The following HEPH variants were observed in gnomAD, a reference collection of about 807,000 sequenced individuals.
HEPH encodes hephaestin.
HEPH carries 69 observed loss-of-function variants against 80.8 expected under a neutral mutation model. The ratio of observed to expected loss-of-function variants is 0.85; its 90% CI spans 0.70 to 1.04. The LOEUF is 1.04. Ranked by LOEUF, HEPH falls within the 50% of genes least tolerant of loss-of-function variation. HEPH has a pLI of 0.00. For synonymous variants in HEPH, 431 were observed against 322.8 expected (o/e 1.34, Z -3.60); for missense variants, 1,115 against 891.3 (o/e 1.25, Z -3.20).
intron 16 of HEPH, among the ~76,000 whole-genome samples, chrX:66,255,681 A>G (rs892294915): frequency 9.0e-6 from 1 of 111,548 alleles, no homozygotes; most frequent in Non-Finnish European, 1.9e-5. Flanking sequence ...TTCAAAGAGT[A>G]TGGTCTAGTT....
intron 15 of HEPH, among the ~76,000 whole-genome samples, chrX:66,230,523 C>T (rs1463489399): frequency 9.3e-6 from 1 of 107,638 alleles, no homozygotes; most frequent in Non-Finnish European, 1.9e-5. Context: ...TCTCTGATGG[C>T]CAGTGATGAT....
chrX:66,234,607 C>T (rs1406810654), intron 15 of HEPH, among the ~76,000 whole-genome samples: 3 of 108,152 alleles, frequency 2.8e-5, no homozygotes, highest in Admixed American at 9.9e-5. Context: ...TTAATAATAA[C>T]TGTATGGGTA....
At chrX:66,195,653 G>A (rs1215532639) in intron 9 of HEPH, among the ~76,000 whole-genome samples, 1 of 110,715 alleles carries the variant, frequency 9.0e-6, no homozygotes. Context: ...GTTTTTCTAT[G>A]CCATTAAAAT....
At chrX:66,251,364 G>T (rs2090999957) in intron 15 of HEPH, among the ~76,000 whole-genome samples, 1 of 112,124 alleles carries the variant, frequency 8.9e-6, no homozygotes, top group South Asian at 3.7e-4. Flanking sequence ...GCCAGCATTT[G>T]GTGTTATCAC....
intron 17 of HEPH, 74 bp downstream of exon 17, chrX:66,256,404 T>G: frequency 1.4e-6 from 1 of 733,202 alleles, no homozygotes; most frequent in South Asian, 2.6e-5. Flanking sequence ...ATAGGCCTAT[T>G]GCTACCTAAG....
chrX:66,246,177 G>A (rs930776419), intron 15 of HEPH, among the ~76,000 whole-genome samples: 9 of 112,106 alleles, frequency 8.0e-5, no homozygotes, highest in African/African-American at 2.9e-4. Context: ...TGTTGTCTGG[G>A]TGTTTCCTGG....
chrX:66,252,685 A>T (rs960427962), intron 15 of HEPH, among the ~76,000 whole-genome samples: 12 of 112,350 alleles, frequency 1.1e-4, no homozygotes, highest in African/African-American at 3.9e-4. Context: ...TGGAGAACTC[A>T]TACTTACTGG....
chrX:66,163,990 G>T (rs763096869), upstream of HEPH, among the ~76,000 whole-genome samples: 4 of 112,077 alleles, frequency 3.6e-5, no homozygotes, highest in Admixed American at 9.5e-5. Flanking sequence ...AGGGGAAGAG[G>T]TGGTGAGATG....
chrX:66,241,389 G>A (rs186115073), intron 15 of HEPH, among the ~76,000 whole-genome samples: 74 of 111,581 alleles, frequency 6.6e-4, no homozygotes, highest in African/African-American at 2.4e-3. Context: ...GACACCCATA[G>A]GATCAAAGTA....
At chrX:66,243,417 A>C (rs1455316513) in intron 15 of HEPH, among the ~76,000 whole-genome samples, 1 of 112,350 alleles carries the variant, frequency 8.9e-6, no homozygotes, top group South Asian at 3.7e-4. Context: ...ACCATTATGG[A>C]ATGCTCTTCT....
At position 66,195,107 on chromosome X, in the gene HEPH, T is replaced by C; in HGVS notation, c.1379T>C (p.Ile460Thr). The change falls in exon 9 of 21, where the codon ATC (isoleucine) becomes ACC (threonine). Residue 460 changes from isoleucine to threonine, a missense_variant. Physicochemically the swap from Ile to Thr is moderately conservative, Grantham distance 89 (BLOSUM62 -1). Transcript: ENST00000343002. ...CCTTCCCATTTTCCAGGGCCAGTGA[T>C]CCGGGCTGAGGTGGGTGACACCATT... The part of the protein sequence containing the change: ...DRHLGILGPV[I>T]RAEVGDTIQV... The C allele has an allele frequency of 8.4e-7, 1 of 1,185,829 alleles. No individual in the cohort carries two copies. The highest frequency in any genetic ancestry group is 1.1e-6 in the Non-Finnish European group (1 of 883,373).
intron 15 of HEPH, among the ~76,000 whole-genome samples, chrX:66,231,429 T>C (rs2090134540): frequency 1.9e-5 from 2 of 103,847 alleles, no homozygotes; most frequent in Non-Finnish European, 2.0e-5. Context: ...TTCTTCCATT[T>C]GTTTGTATCC....
At chrX:66,225,489 T>C (rs1090833) in intron 15 of HEPH, among the ~76,000 whole-genome samples, 30,701 of 111,431 alleles carry the variant, frequency 0.28, 3,970 homozygotes, top group African/African-American at 0.51. Context: ...AAAAAAGAAC[T>C]AAAGTGCTGG....
chrX:66,235,920 C>T (rs1192971184), intron 15 of HEPH, among the ~76,000 whole-genome samples: 3 of 110,940 alleles, frequency 2.7e-5, no homozygotes, highest in African/African-American at 9.8e-5. Flanking sequence ...TGATTTAGCT[C>T]GTGGCTTAAC....
chrX:66,198,811 C>A, intron 10 of HEPH, 67 bp from the exon 11 acceptor site: 3 of 844,806 alleles, frequency 3.6e-6, no homozygotes, highest in East Asian at 3.2e-5. Context: ...TGATCTGTAA[C>A]GACACAGTCT....
At chrX:66,227,626 G>A (rs755447178) in intron 15 of HEPH, among the ~76,000 whole-genome samples, 9 of 111,831 alleles carry the variant, frequency 8.0e-5, no homozygotes, top group East Asian at 2.8e-4. Context: ...TGTCATACCA[G>A]TACCCAGCAC....
chrX:66,235,835 A>G (rs1289762634), intron 15 of HEPH, among the ~76,000 whole-genome samples: 2 of 111,729 alleles, frequency 1.8e-5, no homozygotes, highest in African/African-American at 6.5e-5. Context: ...ATGATCCCAT[A>G]TTTGCATTTG....
chrX:66,204,816 T>TA (rs1404444691), intron 13 of HEPH, among the ~76,000 whole-genome samples: 22 of 111,487 alleles, frequency 2.0e-4, no homozygotes, highest in Non-Finnish European at 2.5e-4. Context: ...TCTTATAATT[T>TA]AAAAAAAAGA....
intron 15 of HEPH, among the ~76,000 whole-genome samples, chrX:66,219,927 A>G (rs2089566743): frequency 9.0e-6 from 1 of 110,701 alleles, no homozygotes; most frequent in Non-Finnish European, 1.9e-5. Context: ...TACTAAATGG[A>G]TTTTTCTTAG....
Sources: gnomAD v4.1 joint callset for allele counts (sites outside exome capture counted in the v4.1 genomes callset) on GRCh38, gnomAD v4.1.1 for gene constraint, MANE v1.5 for transcripts, NCBI Gene and HGNC (gene_info 2026-07-23, HGNC 2026-07-21) for gene names.